The following EAF1 variants were observed in gnomAD, a reference collection of about 807,000 sequenced individuals.
EAF1 encodes ELL-associated factor 1.
A neutral mutation model predicts 26.6 loss-of-function variants in EAF1; 19 were observed. The observed-to-expected ratio is 0.71, with a 90% CI of 0.50 to 1.05. The LOEUF is 1.05. Among genes scored for constraint, EAF1 ranks in the 50% least tolerant of loss-of-function variants. The pLI, the probability that EAF1 is intolerant of heterozygous loss-of-function variation, is 0.00. For missense variants in EAF1, 260 were observed against 335.5 expected, an observed-to-expected ratio of 0.78 and a Z score of 1.76; for synonymous variants, 102 against 120.6, an observed-to-expected ratio of 0.85 and a Z score of 1.01.
Position 15,434,330 on chromosome 3 carries a change from G to A in EAF1, c.336-18G>A, listed in dbSNP as rs9875261. On this transcript the variant is annotated intron_variant, in intron 3 of 5. Transcript: ENST00000396842. Reference sequence around the variant, plus strand: ...ACTATTTTTGCCCTGCTAATTTAATGTCTGTATCTCCTTTCAGAGCTGAGG... The same window carrying A: ...ACTATTTTTGCCCTGCTAATTTAATATCTGTATCTCCTTTCAGAGCTGAGG... 1.2e-3 allele frequency: 1,977 copies of A among 1,608,086 alleles called. 25 individuals are homozygous for A. The African/African-American group carries it at 0.022, about 18-fold the overall frequency.
intron 1 of EAF1, among the ~76,000 whole-genome samples, chr3:15,429,347 A>C (rs1032531601): frequency 6.7e-6 from 1 of 150,260 alleles, no homozygotes; most frequent in Admixed American, 6.6e-5. Context: ...TAAAAAAAAA[A>C]AAAAACAAAA....
rs982140519 is a variant in EAF1, at chr3:15,436,404, G to C, written c.589G>C (p.Asp197His). 6.2e-7 allele frequency: 1 copy of C among 1,613,778 alleles called. No individual in the cohort carries two copies. Among genetic ancestry groups the C allele is most frequent in the African/African-American group, 1.3e-5 (1 of 74,900 alleles). ...MSSSSGSSSS[D>H]SESSSGSDDD... ...CAGCAGCAGTGGGAGCAGCTCTTCAGACTCTGAGAGCTCTTCGGGAAGTGA... is the reference window on the plus strand; with the variant it reads ...CAGCAGCAGTGGGAGCAGCTCTTCACACTCTGAGAGCTCTTCGGGAAGTGA... The change falls in exon 5 of 6, where the codon GAC becomes CAC. Residue 197 changes from aspartate to histidine, a missense_variant. Physicochemically the swap from Asp to His is moderately conservative, Grantham distance 81. Coordinates refer to ENST00000396842, the MANE Select transcript of EAF1 (RefSeq NM_033083.7).
In EAF1 at chr3:15,441,489, C is replaced by CTTTTTT. The variant is rs11343442; in HGVS notation, c.*2351_*2356dup. On this transcript the variant is annotated 3_prime_UTR_variant, in exon 6 of 6. Coordinates refer to ENST00000396842, the MANE Select transcript of EAF1 (RefSeq NM_033083.7). ...GAGTGCCCTGTGTGTACATACTGAC[C>CTTTTTT]TTTTTTTTTTTTTTTTTTTTTTGCT... The CTTTTTT allele has an allele frequency of 2.9e-4, 21 of 71,688 alleles. No individual in the cohort carries two copies. Among genetic ancestry groups the CTTTTTT allele is most frequent in the East Asian group, 4.6e-4 (1 of 2,186 alleles). 4.4% of individuals were successfully genotyped at this position (71,688 alleles called of 1,614,324 possible).
rs1209967901 is a variant in EAF1, at chr3:15,442,464, T to C, written c.*3309T>C. 6.6e-6 allele frequency: 1 copy of C among 152,608 alleles called. No individual in the cohort carries two copies. Among genetic ancestry groups the C allele is most frequent in the African/African-American group, 2.4e-5 (1 of 41,400 alleles). The allele number at this position is 152,608 out of a possible 1,614,324, so 9.5% of individuals were successfully genotyped here. A position where few individuals can be genotyped will look rare whatever the true frequency, so the allele number is the denominator to read the frequency against. ...GGTTTCATTGTCTCATTCTTTATTTTTAAAATCTTGTGCCTAAAAGTTTTT... is the reference window on the plus strand; with the variant it reads ...GGTTTCATTGTCTCATTCTTTATTTCTAAAATCTTGTGCCTAAAAGTTTTT... On this transcript the variant is annotated 3_prime_UTR_variant, in exon 6 of 6. Transcript: ENST00000396842.
chr3:15,438,816 C>T (rs908759575), intron 5 of EAF1: 4 of 246,736 alleles, frequency 1.6e-5, no homozygotes, highest in Admixed American at 5.5e-5. Flanking sequence ...TGAGCCACTG[C>T]GCCCAGACAT....
chr3:15,431,516 G>T (rs1285941668), intron 2 of EAF1, among the ~76,000 whole-genome samples: 4 of 152,336 alleles, frequency 2.6e-5, no homozygotes, highest in African/African-American at 9.6e-5. Context: ...ATGCTGCAGG[G>T]TGAGGTGGAG....
Position 15,434,520 on chromosome 3 carries a change from T to C in EAF1, c.508T>C (p.Leu170=), listed in dbSNP as rs1479045231. The change falls in exon 4 of 6, where the codon TTG becomes CTG. Residue 170 remains leucine (L), a synonymous_variant. Transcript: ENST00000396842. ...LKDNPSPEPQ[L]DDIKRELRAE... Reference sequence around the variant, plus strand: ...AGATAACCCCTCACCTGAACCTCAGTTGGATGACATCAAAAGAGGTAGAGA... The same window carrying C: ...AGATAACCCCTCACCTGAACCTCAGCTGGATGACATCAAAAGAGGTAGAGA... The C allele has an allele frequency of 2.5e-6, 4 of 1,614,016 alleles. No individual in the cohort carries two copies. Among genetic ancestry groups the C allele is most frequent in the Non-Finnish European group, 3.4e-6 (4 of 1,180,016 alleles).
chr3:15,433,890 A>C (rs1434266668), intron 3 of EAF1, among the ~76,000 whole-genome samples: 2 of 152,230 alleles, frequency 1.3e-5, no homozygotes, highest in Non-Finnish European at 2.9e-5. Flanking sequence ...ATATTCAATT[A>C]TGGTGGTGGG....
In EAF1 at chr3:15,440,796, T is replaced by A. The variant is rs912302957; in HGVS notation, c.*1641T>A. ...AGATTTTGGTGGATTTAATGGCAGGTAGGAACTTATTTATAGTGGATTGAT... is the reference window on the plus strand; with the variant it reads ...AGATTTTGGTGGATTTAATGGCAGGAAGGAACTTATTTATAGTGGATTGAT... On this transcript the variant is annotated 3_prime_UTR_variant, in exon 6 of 6. Transcript: ENST00000396842. 6 of 152,702 alleles carry A rather than the reference T, an allele frequency of 3.9e-5. No homozygotes were observed. The highest frequency in any genetic ancestry group is 1.2e-4 in the African/African-American group (5 of 41,568). 9.5% of individuals were successfully genotyped at this position (152,702 alleles called of 1,614,324 possible).
chr3:15,429,861 C>A, intron 1 of EAF1, 52 bp from the exon 2 acceptor site: 1 of 1,143,000 alleles, frequency 8.7e-7, no homozygotes, highest in Non-Finnish European at 1.3e-6. Context: ...GCCCAGGAAA[C>A]CCTTATTATA....
In EAF1 at chr3:15,442,285, T is replaced by C. The variant is rs371011811; in HGVS notation, c.*3130T>C. On this transcript the variant is annotated 3_prime_UTR_variant, in exon 6 of 6. Coordinates refer to ENST00000396842, the MANE Select transcript of EAF1 (RefSeq NM_033083.7). ...ATTTTGAAAGAGAATTAGTGTGTTA[T>C]GTGGATAATGTTATATACAGCCAAA... 24 of 152,548 alleles carry C rather than the reference T, an allele frequency of 1.6e-4. No homozygotes were observed. Among genetic ancestry groups the C allele is most frequent in the African/African-American group, 5.5e-4 (23 of 41,482 alleles). The allele number at this position is 152,548 out of a possible 1,614,324, so 9.4% of individuals were successfully genotyped here.
Position 15,439,091 on chromosome 3 carries a change from A to G in EAF1, c.761-18A>G, listed in dbSNP as rs544812268. 2 of 1,331,696 alleles carry G rather than the reference A, an allele frequency of 1.5e-6. No homozygotes were observed. Among genetic ancestry groups the G allele is most frequent in the East Asian group, 2.7e-5 (1 of 36,666 alleles). The allele number at this position is 1,331,696 out of a possible 1,614,324, so 82.5% of individuals were successfully genotyped here. ...TTGTTTGATTCTATGATTTTACTTT[A>G]TTTTTTTTTTTAAATAGGAAATGAC... On this transcript the variant is annotated intron_variant, in intron 5 of 5. Coordinates refer to ENST00000396842, the MANE Select transcript of EAF1 (RefSeq NM_033083.7).
Position 15,429,907 on chromosome 3 carries a change from C to A in EAF1, c.104-6C>A. ...TGGGTAAGTGCTTTTTTTCCTTTCC[C>A]TTTAGATGATTTTAAACCAGCATCT... On this transcript the variant is annotated splice_region_variant and splice_polypyrimidine_tract_variant and intron_variant, in intron 1 of 5. Coordinates refer to ENST00000396842, the MANE Select transcript of EAF1 (RefSeq NM_033083.7). 6.2e-7 allele frequency: 1 copy of A among 1,608,856 alleles called. No homozygotes were observed. Among genetic ancestry groups the A allele is most frequent in the Non-Finnish European group, 8.5e-7 (1 of 1,176,048 alleles).
chr3:15,433,926 T>G (rs2125066062), intron 3 of EAF1, among the ~76,000 whole-genome samples: 1 of 152,296 alleles, frequency 6.6e-6, no homozygotes, highest in East Asian at 1.9e-4. Context: ...TGTGAAAAAA[T>G]TATATGCTAT....
At position 15,436,531 on chromosome 3, in the gene EAF1, GA is replaced by G; in HGVS notation, c.718del (p.Thr240ProfsTer11). ...AACAGTAGGCCTGCCGTTGCCAATG[GA>G]ACCAGCCGGCCACAAGGAAGCAACC... The part of the protein sequence containing the change: ...PYNSRPAVAN[G>X]TSRPQGSNQL... On this transcript the variant is annotated frameshift_variant, in exon 5 of 6. Transcript: ENST00000396842. LOFTEE classifies it high-confidence loss of function. The G allele has an allele frequency of 6.3e-7, 1 of 1,592,350 alleles. No individual in the cohort carries two copies. The highest frequency in any genetic ancestry group is 8.6e-7 in the Non-Finnish European group (1 of 1,161,670).
rs1306275026 is a variant in EAF1, at chr3:15,441,010, C to T, written c.*1855C>T. 2 of 152,526 alleles carry T rather than the reference C, an allele frequency of 1.3e-5. No individual in the cohort carries two copies. The highest frequency in any genetic ancestry group is 4.8e-5 in the African/African-American group (2 of 41,412). 9.4% of individuals were successfully genotyped at this position (152,526 alleles called of 1,614,324 possible). ...CTCTCTCTCTTTCTCTCCTCCCCAACTTTTTTCTGAAAGCCTTGATTTCTG... is the reference window on the plus strand; with the variant it reads ...CTCTCTCTCTTTCTCTCCTCCCCAATTTTTTTCTGAAAGCCTTGATTTCTG... On this transcript the variant is annotated 3_prime_UTR_variant, in exon 6 of 6. Transcript: ENST00000396842.
intron 1 of EAF1, among the ~76,000 whole-genome samples, chr3:15,429,125 C>T (rs767540325): frequency 5.3e-5 from 8 of 152,182 alleles, no homozygotes; most frequent in Admixed American, 1.3e-4. Context: ...ATTCTAACTG[C>T]AGTTTAGAAA....
intron 2 of EAF1, among the ~76,000 whole-genome samples, chr3:15,430,459 CAAAAAA>C (rs11300135): frequency 7.7e-6 from 1 of 129,978 alleles, no homozygotes. Flanking sequence ...GACTCCCCCT[CAAAAAA>C]AAAAAAAAAA....
At chr3:15,435,432 C>T (rs919215032) in intron 4 of EAF1, among the ~76,000 whole-genome samples, 3 of 151,456 alleles carry the variant, frequency 2.0e-5, no homozygotes, top group African/African-American at 4.8e-5. Flanking sequence ...CCCTGTAGAA[C>T]GGCTGCAGAC....
Sources: gnomAD v4.1 joint callset for allele counts (sites outside exome capture counted in the v4.1 genomes callset) on GRCh38, gnomAD v4.1.1 for gene constraint, MANE v1.5 for transcripts, NCBI Gene and HGNC (gene_info 2026-07-23, HGNC 2026-07-21) for gene names.